Variants in SIRT3 observed in about 807,000 individuals in gnomAD.
SIRT3 encodes the protein NAD-dependent protein deacetylase sirtuin-3, mitochondrial.
SIRT3 carries 26 observed loss-of-function variants against 33.5 expected under a neutral mutation model. The ratio of observed to expected loss-of-function variants is 0.78; its 90% confidence interval spans 0.57 to 1.08. The LOEUF (loss-of-function observed/expected upper bound fraction) is 1.08, where lower values mean the gene tolerates loss of function less well. Ranked by LOEUF, SIRT3 falls within the 50% of genes least tolerant of loss-of-function variation. SIRT3 has a pLI of 0.00. For synonymous variants in SIRT3, 237 were observed against 222.1 expected, an observed-to-expected ratio of 1.07 and a Z score of -0.60; for missense variants, 585 against 530.1, an observed-to-expected ratio of 1.10 and a Z score of -1.02.
intron 2 of SIRT3, 25 bp from the exon 3 acceptor site, chr11:233,240 G>A (rs752759962): frequency 6.2e-7 from 1 of 1,608,320 alleles, no homozygotes; most frequent in South Asian, 1.1e-5. Context: ...GAAAGGCTCT[G>A]AGGCCTTTGG....
Position 236,306 on chromosome 11 carries a change from G to T in SIRT3, c.23C>A (p.Ala8Asp). ...GCCCCACAGCCGGAGGGCTGCCGCG[G>T]CGCGCCAACCCCAGAACGCCATGTT... Reference protein sequence around the residue: MAFWGWRAAAALRLWGRV... With the variant: MAFWGWRDAAALRLWGRV... The change falls in exon 1 of 7, where the codon GCC (alanine) becomes GAC (aspartate). Residue 8 changes from alanine (A) to aspartate (D), a missense_variant. Coordinates refer to ENST00000382743, the MANE Select transcript of SIRT3 (RefSeq NM_012239.6). The T allele has an allele frequency of 6.6e-7, 1 of 1,520,700 alleles. No homozygotes were observed. The highest frequency in any genetic ancestry group is 8.8e-7 in the Non-Finnish European group (1 of 1,140,780). 94.2% of individuals were successfully genotyped at this position (1,520,700 alleles called of 1,614,324 possible).
intron 4 of SIRT3, among the ~76,000 whole-genome samples, chr11:226,862 G>A (rs34541280): frequency 6.8e-6 from 1 of 147,220 alleles, no homozygotes; most frequent in Non-Finnish European, 1.5e-5. Flanking sequence ...CAAGCAATTC[G>A]CCTGCCTCAG....
At chr11:221,711 G>A (rs1439456271) in intron 5 of SIRT3, among the ~76,000 whole-genome samples, 1 of 152,236 alleles carries the variant, frequency 6.6e-6, no homozygotes, top group Non-Finnish European at 1.5e-5. Context: ...GATGGCACCA[G>A]CCTTACAGAC....
At position 224,134 on chromosome 11, in the gene SIRT3, G is replaced by T. The variant is rs1298958024; in HGVS notation, c.913C>A (p.His305Asn). 1 of 1,614,216 alleles carries T rather than the reference G, an allele frequency of 6.2e-7. No individual in the cohort carries two copies. The highest frequency in any genetic ancestry group is 1.3e-5 in the African/African-American group (1 of 75,060). The change falls in exon 5 of 7, where the codon CAT becomes AAT. Residue 305 changes from histidine to asparagine, a missense_variant. By Grantham distance (68) the His-to-Asn change is moderately conservative (BLOSUM62 1). Coordinates refer to ENST00000382743, the MANE Select transcript of SIRT3 (RefSeq NM_012239.6). ...GEPLPQRFLLHVVDFPMADLL... is the reference protein window; with the variant it reads ...GEPLPQRFLLNVVDFPMADLL... ...TCTGCCATGGGGAAATCAACCACAT[G>T]CAGCAAGAACCTCTGGGGCAGCGGC...
At chr11:232,850 G>C (rs1256642707) in intron 3 of SIRT3, 133 bp downstream of exon 3, 1 of 772,202 alleles carries the variant, frequency 1.3e-6, no homozygotes, top group Non-Finnish European at 2.1e-6. Context: ...ATAAGCGATA[G>C]GTTTTGGCCG....
chr11:230,861 C>T (rs1390728477), intron 3 of SIRT3, among the ~76,000 whole-genome samples: 2 of 152,228 alleles, frequency 1.3e-5, no homozygotes, highest in African/African-American at 4.8e-5. Flanking sequence ...CAGTGGCCCA[C>T]ACCTGTAATC....
In SIRT3 at chr11:219,041, C is replaced by A. The variant is rs1380800495; in HGVS notation, c.970G>T (p.Val324Leu). The A allele has an allele frequency of 6.2e-7, 1 of 1,610,608 alleles. No individual in the cohort carries two copies. The highest frequency in any genetic ancestry group is 8.5e-7 in the Non-Finnish European group (1 of 1,178,388). The change falls in exon 6 of 7, where the codon GTG becomes TTG. Residue 324 changes from valine to leucine, a missense_variant and splice_region_variant. Transcript: ENST00000382743. ...LLLILGTSLE[V>L]EPFASLTEAV... ...TCGGTCAAGCTGGCAAAAGGCTCCA[C>A]CTGAAAAATGGGCCAAACGTGAGGG... is the stretch of plus-strand genomic sequence containing the variant.
rs1206598009 is a variant in SIRT3 at position 215,137 on chromosome 11, AGG to A, written c.*1559_*1560del. 6.5e-6 allele frequency: 1 copy of A among 154,712 alleles called. No individual in the cohort carries two copies. The highest frequency in any genetic ancestry group is 1.4e-5 in the Non-Finnish European group (1 of 69,540). 9.6% of individuals were successfully genotyped at this position (154,712 alleles called of 1,614,324 possible). ...AATGTATGTGTAAATTATCAAATAA[AGG>A]GGCCAGGCACAGTGGCTCATGCCTG... On this transcript the variant is annotated 3_prime_UTR_variant, in exon 7 of 7. Transcript: ENST00000382743.
In SIRT3 at chr11:226,946, T is replaced by C. The variant is rs190188043; in HGVS notation, c.808-2707A>G. On this transcript the variant is annotated intron_variant, in intron 4 of 6. Transcript: ENST00000382743. ...TTTTGTATTTTTAGTAGATATGGGG[T>C]TTCTCCATGTTGGTCAGGCTGGTCT... Among the ~76,000 whole-genome samples, 4 of 149,870 alleles carry C rather than the reference T, an allele frequency of 2.7e-5. No homozygotes were observed. The East Asian group carries it at 8.1e-4, about 30-fold the overall frequency.
chr11:217,358 G>A (rs1855797092), intron 6 of SIRT3, among the ~76,000 whole-genome samples: 1 of 152,246 alleles, frequency 6.6e-6, no homozygotes. Context: ...GCTGAGGCAG[G>A]AGAATCACTT....
Position 233,225 on chromosome 11 carries a change from G to C in SIRT3, c.474-10C>G. The C allele has an allele frequency of 1.2e-6, 2 of 1,611,682 alleles. No homozygotes were observed. The highest frequency in any genetic ancestry group is 2.2e-5 in the South Asian group (2 of 90,950). On this transcript the variant is annotated splice_polypyrimidine_tract_variant and intron_variant, in intron 2 of 6. Coordinates refer to ENST00000382743, the MANE Select transcript of SIRT3 (RefSeq NM_012239.6). The stretch of plus-strand genomic sequence containing the variant: ...GCCACTCCCCGGCGATCTGCAGGGA[G>C]AGAAGAAAGGCTCTGAGGCCTTTGG...
Position 223,810 on chromosome 11 carries a change from CCTCCCTTCCCCT to C in SIRT3, c.969+256_969+267del. ...GGGCCCATGAGATGACTCCTGTACC[CCTCCCTTCCCCT>C]GCCCTCCAGCCTCCTCCCTGCACAG... On this transcript the variant is annotated intron_variant, in intron 5 of 6. Transcript: ENST00000382743. This position sits in a 1 kb window ranked among gnomAD's most constrained non-coding sequence, Gnocchi z 4.8. 1.0e-6 allele frequency: 1 copy of C among 955,620 alleles called. No homozygotes were observed. Among genetic ancestry groups the C allele is most frequent in the Non-Finnish European group, 1.6e-6 (1 of 609,892 alleles). 59.2% of individuals were successfully genotyped at this position (955,620 alleles called of 1,614,324 possible). A position where few individuals can be genotyped will look rare whatever the true frequency, so the allele number is the denominator to read the frequency against.
chr11:233,158 CT>C lies in SIRT3; in HGVS notation c.530del (p.Glu177GlyfsTer96). On this transcript the variant is annotated frameshift_variant, in exon 3 of 7. Transcript: ENST00000382743. LOFTEE classifies it high-confidence loss of function. ...NLQQYDLPYP[E>X]AIFELPFFFH... ...AGAAGAATGGGAGTTCAAAAATGGC[CT>C]CGGGGTACGGGAGATCGTACTGCTG... 1 of 1,614,110 alleles carries C rather than the reference CT, an allele frequency of 6.2e-7. No individual in the cohort carries two copies. The highest frequency in any genetic ancestry group is 8.5e-7 in the Non-Finnish European group (1 of 1,180,020).
rs1253862135 is a variant in SIRT3, at chr11:233,541, G to GA, written c.282-8dup. The stretch of plus-strand genomic sequence containing the variant: ...CCTTCTTCCACCTTTAATACTGACA[G>GA]AAAAAAACACAGCAGCAAAGGAAAC... On this transcript the variant is annotated splice_region_variant and splice_polypyrimidine_tract_variant and intron_variant, in intron 1 of 6. Coordinates refer to ENST00000382743, the MANE Select transcript of SIRT3 (RefSeq NM_012239.6). The GA allele has an allele frequency of 3.7e-6, 6 of 1,611,818 alleles. No individual in the cohort carries two copies. Among genetic ancestry groups the GA allele is most frequent in the South Asian group, 1.1e-5 (1 of 90,802 alleles).
At chr11:231,600 C>T (rs1026954712) in intron 3 of SIRT3, among the ~76,000 whole-genome samples, 2 of 152,256 alleles carry the variant, frequency 1.3e-5, no homozygotes, top group Admixed American at 6.5e-5. Flanking sequence ...TGAAAGGCTG[C>T]GGTGGCACAG....
In SIRT3 at chr11:223,527, C is replaced by G. The variant is rs1856714311; in HGVS notation, c.969+551G>C. 1 of 362,500 alleles carries G rather than the reference C, an allele frequency of 2.8e-6. No homozygotes were observed. The highest frequency in any genetic ancestry group is 2.2e-5 in the South Asian group (1 of 44,994). 22.5% of individuals were successfully genotyped at this position (362,500 alleles called of 1,614,324 possible). On this transcript the variant is annotated intron_variant, in intron 5 of 6. Transcript: ENST00000382743. This position sits in a 1 kb window ranked among gnomAD's most constrained non-coding sequence, Gnocchi z 4.8. ...CAAGGGTGCAGCTACGTCCCCGGGCCAGTCCCTGTGGATTTATCACTCCTC... is the reference window on the plus strand; with the variant it reads ...CAAGGGTGCAGCTACGTCCCCGGGCGAGTCCCTGTGGATTTATCACTCCTC...
chr11:218,640 G>C (rs535716), intron 6 of SIRT3, 192 bp downstream of exon 6: 1 of 1,059,380 alleles, frequency 9.4e-7, no homozygotes, highest in Non-Finnish European at 1.3e-6. Flanking sequence ...GTTAGCATCT[G>C]TTTCCTCATC....
In SIRT3 at chr11:216,858, CTGTGCTGGGCTAAGAGGA is replaced by C. The variant is rs1386073161; in HGVS notation, c.1180-158_1180-141del. 1.5e-4 allele frequency: 135 copies of C among 918,906 alleles called. 1 individual carries two copies. Among genetic ancestry groups the C allele is most frequent in the Middle Eastern group, 1.4e-3 (6 of 4,432 alleles). 56.9% of individuals were successfully genotyped at this position (918,906 alleles called of 1,614,324 possible). On this transcript the variant is annotated intron_variant, in intron 6 of 6. Coordinates refer to ENST00000382743, the MANE Select transcript of SIRT3 (RefSeq NM_012239.6). ...CTGCTTTCTGCAAATACTGCTGCTGCTGTGCTGGGCTAAGAGGATCCCAGCAGGCCTGGGCAGAACAGG... is the reference window on the plus strand; with the variant it reads ...CTGCTTTCTGCAAATACTGCTGCTGCTCCCAGCAGGCCTGGGCAGAACAGG...
In SIRT3 at chr11:223,466, GCTCCA is replaced by G; in HGVS notation, c.969+607_969+611del. ...CAGGACCAGCCTCCTGGCACTGCTT[GCTCCA>G]CTCTCCACTCCCCAAAGGCCTCCCT... On this transcript the variant is annotated intron_variant, in intron 5 of 6. Coordinates refer to ENST00000382743, the MANE Select transcript of SIRT3 (RefSeq NM_012239.6). This position sits in a 1 kb window ranked among gnomAD's most constrained non-coding sequence, Gnocchi z 4.8. The G allele has an allele frequency of 3.5e-6, 1 of 286,582 alleles. No individual in the cohort carries two copies. 17.8% of individuals were successfully genotyped at this position (286,582 alleles called of 1,614,324 possible).
Sources: gnomAD v4.1 joint callset for allele counts (sites outside exome capture counted in the v4.1 genomes callset) on GRCh38, gnomAD v4.1.1 for gene constraint, Gnocchi (gnomAD v3.1) non-coding constraint, MANE v1.5 for transcripts, NCBI Gene and HGNC (gene_info 2026-07-23, HGNC 2026-07-21) for gene names.